The following SHROOM3 variants were observed in gnomAD, a reference collection of about 807,000 sequenced individuals.
The protein encoded by SHROOM3 is shroom family member 3.
SHROOM3 carries 47 observed loss-of-function variants against 138.6 expected under a neutral mutation model. The observed-to-expected ratio is 0.34, with a 90% confidence interval of 0.27 to 0.43. The LOEUF is 0.43. Ranked by LOEUF, SHROOM3 falls within the 20% of genes least tolerant of loss-of-function variation. The pLI is 1.00. For synonymous variants in SHROOM3, 1,062 were observed against 1,063.3 expected (o/e 1.00, Z 0.02); for missense variants, 2,491 against 2,596.5 (o/e 0.96, Z 0.88).
At position 76,711,482 on chromosome 4, in the gene SHROOM3, C is replaced by G. The variant is rs540338369; in HGVS notation, c.455+1195C>G. Among the ~76,000 whole-genome samples the G allele has an allele frequency of 4.6e-5, 7 of 152,268 alleles. No homozygotes were observed. In the East Asian group the frequency reaches 1.3e-3, roughly 29 times the overall value. ...GCTCAGTGGCTCATGCCTGTAAGCC[C>G]AGAGATTCAAGACCAGCCTGGGCAA... On this transcript the variant is annotated intron_variant, in intron 3 of 10. Coordinates refer to ENST00000296043, the MANE Select transcript of SHROOM3 (RefSeq NM_020859.4).
intron 1 of SHROOM3, among the ~76,000 whole-genome samples, chr4:76,468,652 A>G (rs1731297366): frequency 6.6e-6 from 1 of 151,896 alleles, no homozygotes; most frequent in African/African-American, 2.4e-5. Flanking sequence ...AAGCAAGATT[A>G]TGTTGTTAAA....
chr4:76,574,558 C>A (rs893489519), intron 2 of SHROOM3, among the ~76,000 whole-genome samples: 2 of 152,036 alleles, frequency 1.3e-5, no homozygotes, highest in Non-Finnish European at 1.5e-5. Context: ...TTAGACAGAC[C>A]GGATACTCCC....
chr4:76,551,369 T>A (rs1733349889), intron 1 of SHROOM3, among the ~76,000 whole-genome samples: 1 of 152,190 alleles, frequency 6.6e-6, no homozygotes, highest in East Asian at 1.9e-4. Context: ...ACTTCCTTTT[T>A]TAATATAAGA....
intron 2 of SHROOM3, among the ~76,000 whole-genome samples, chr4:76,702,910 A>G (rs952439323): frequency 1.3e-5 from 2 of 152,112 alleles, no homozygotes; most frequent in African/African-American, 4.8e-5. Context: ...CCCTTTCCTC[A>G]TCTTTCTGCA....
chr4:76,579,728 G>A (rs1371421817), intron 2 of SHROOM3, among the ~76,000 whole-genome samples: 1 of 152,172 alleles, frequency 6.6e-6, no homozygotes, highest in Non-Finnish European at 1.5e-5. Context: ...CCACCTGCCT[G>A]GTCTAGTCAG....
At chr4:76,462,490 G>A (rs1033314627) in intron 1 of SHROOM3, among the ~76,000 whole-genome samples, 2 of 152,148 alleles carry the variant, frequency 1.3e-5, no homozygotes, top group South Asian at 2.1e-4. Context: ...ACTTGATATG[G>A]TTTGGATTTG....
At chr4:76,762,067 G>A (rs948857945) in intron 9 of SHROOM3, among the ~76,000 whole-genome samples, 1 of 152,048 alleles carries the variant, frequency 6.6e-6, no homozygotes, top group Non-Finnish European at 1.5e-5. Flanking sequence ...GTCAGGCCTG[G>A]TTAGTACTTG....
rs76582928 is a variant in SHROOM3 at position 76,572,067 on chromosome 4, C to T, written c.323+16304C>T. 4.6e-3 allele frequency among the ~76,000 whole-genome samples: 702 copies of T among 152,292 alleles called. 10 individuals are homozygous for T. The highest frequency in any genetic ancestry group is 0.016 in the African/African-American group (664 of 41,566). The stretch of plus-strand genomic sequence containing the variant: ...AAATCTTTCCTTCCTGAGAATTGTT[C>T]CTCCATATCTGCCTCTTTCCTGGAT... On this transcript the variant is annotated intron_variant, in intron 2 of 10. Transcript: ENST00000296043.
chr4:76,689,427 G>A, intron 2 of SHROOM3: 1 of 752,274 alleles, frequency 1.3e-6, no homozygotes, highest in Non-Finnish European at 1.6e-6. Flanking sequence ...GAGCGGGCCC[G>A]GGCGGGACGA....
intron 1 of SHROOM3, among the ~76,000 whole-genome samples, chr4:76,454,514 G>T (rs1730988503): frequency 6.6e-6 from 1 of 151,994 alleles, no homozygotes; most frequent in Non-Finnish European, 1.5e-5. Context: ...CTATTGTATT[G>T]GTCTAAATGT....
intron 1 of SHROOM3, among the ~76,000 whole-genome samples, chr4:76,507,821 GGAGT>G (rs1732245057): frequency 6.6e-6 from 1 of 152,144 alleles, no homozygotes; most frequent in South Asian, 2.1e-4. Context: ...TGAGATTACA[GGAGT>G]GAGCCACCAT....
intron 2 of SHROOM3, among the ~76,000 whole-genome samples, chr4:76,646,938 G>T (rs946611160): frequency 6.6e-5 from 10 of 152,144 alleles, no homozygotes; most frequent in Non-Finnish European, 1.3e-4. Flanking sequence ...CAAAGGAAAA[G>T]AAATCAGTAT....
chr4:76,764,609 A>AT (rs764444032), intron 9 of SHROOM3, among the ~76,000 whole-genome samples: 15 of 152,110 alleles, frequency 9.9e-5, no homozygotes, highest in Non-Finnish European at 2.1e-4. Context: ...CTTGAAGGGC[A>AT]TTTTCACTGG....
At chr4:76,528,968 G>A (rs912444353) in intron 1 of SHROOM3, among the ~76,000 whole-genome samples, 20 of 152,174 alleles carry the variant, frequency 1.3e-4, no homozygotes, top group African/African-American at 3.9e-4. Context: ...TTGTGAGGAG[G>A]CCTCCTCTGA....
intron 2 of SHROOM3, among the ~76,000 whole-genome samples, chr4:76,697,092 T>C (rs1214359440): frequency 1.3e-5 from 2 of 150,644 alleles, no homozygotes; most frequent in Admixed American, 1.3e-4. Flanking sequence ...AATTAATTTT[T>C]TTTTTTTTTT....
intron 1 of SHROOM3, among the ~76,000 whole-genome samples, chr4:76,555,067 G>A (rs956870081): frequency 6.6e-6 from 1 of 151,554 alleles, no homozygotes; most frequent in South Asian, 2.1e-4. Flanking sequence ...GGGCTCCGCT[G>A]ATTCTATGTT....
chr4:76,689,388 C>T (rs1235229518), intron 2 of SHROOM3, among the ~76,000 whole-genome samples: 1 of 151,420 alleles, frequency 6.6e-6, no homozygotes, highest in Non-Finnish European at 1.5e-5. Context: ...CAGCGCGGCC[C>T]CTCGGGTGCG....
chr4:76,738,544 G>GTGAT (rs1721145486), intron 4 of SHROOM3, among the ~76,000 whole-genome samples: 1 of 152,204 alleles, frequency 6.6e-6, no homozygotes, highest in African/African-American at 2.4e-5. Flanking sequence ...GCTAGCCTGG[G>GTGAT]TGATTAATTA....
At chr4:76,533,764 T>A (rs1310181976) in intron 1 of SHROOM3, among the ~76,000 whole-genome samples, 3 of 152,170 alleles carry the variant, frequency 2.0e-5, no homozygotes, top group Non-Finnish European at 4.4e-5. Flanking sequence ...AAATAGTAAA[T>A]GCACTTAATT....
Sources: gnomAD v4.1 joint callset for allele counts (sites outside exome capture counted in the v4.1 genomes callset) on GRCh38, gnomAD v4.1.1 for gene constraint, MANE v1.5 for transcripts, NCBI Gene and HGNC (gene_info 2026-07-23, HGNC 2026-07-21) for gene names.